The following ERBB4 variants were observed in gnomAD, a reference collection of about 807,000 sequenced individuals.
ERBB4 encodes the protein erb-b2 receptor tyrosine kinase 4.
In ERBB4, 42 loss-of-function variants were observed where a neutral mutation model predicts 158.0. The observed-to-expected ratio is 0.27, with a 90% CI of 0.21 to 0.34. The LOEUF is 0.34. ERBB4 is among the 10% of genes least tolerant of loss of function. ERBB4 has a pLI of 1.00. For synonymous variants in ERBB4, 583 were observed against 558.7 expected (o/e 1.04, Z -0.61); for missense variants, 1,333 against 1,624.1 (o/e 0.82, Z 3.08).
At chr2:212,364,914 AGTGTGTGTGT>A (rs34682600) in intron 1 of ERBB4, among the ~76,000 whole-genome samples, 3 of 148,020 alleles carry the variant, frequency 2.0e-5, no homozygotes, top group Non-Finnish European at 3.0e-5. Context: ...TGTGTGTGTG[AGTGTGTGTGT>A]GTGTGTGTGT....
intron 20 of ERBB4, among the ~76,000 whole-genome samples, chr2:211,482,366 A>C (rs183066993): frequency 6.6e-6 from 1 of 152,326 alleles, no homozygotes; most frequent in African/African-American, 2.4e-5. Flanking sequence ...GTCATGCCTC[A>C]GTATTGGGGA....
chr2:211,855,434 G>A (rs910957389), intron 3 of ERBB4, among the ~76,000 whole-genome samples: 5 of 151,876 alleles, frequency 3.3e-5, no homozygotes, highest in Non-Finnish European at 5.9e-5. Flanking sequence ...AAATATTCTC[G>A]TTTTCCTCTA....
chr2:212,482,964 A>G (rs537905356), intron 1 of ERBB4, among the ~76,000 whole-genome samples: 2 of 152,332 alleles, frequency 1.3e-5, no homozygotes, highest in South Asian at 4.1e-4. Flanking sequence ...TTAGGATTAG[A>G]TAGGTACTAG....
rs534819450 is a variant in ERBB4 at position 211,851,402 on chromosome 2, T to A, written c.422-63243A>T. 2.6e-4 allele frequency among the ~76,000 whole-genome samples: 39 copies of A among 152,080 alleles called. No individual in the cohort carries two copies. In the South Asian group the frequency reaches 7.5e-3, roughly 29 times the overall value. On this transcript the variant is annotated intron_variant, in intron 3 of 27. Transcript: ENST00000342788. ...TCCAATTCAATCCAGAAAATAATTT[T>A]AAAATATAACTAGGTCAAAATATCA...
At chr2:211,618,921 T>C (rs1377572405) in intron 19 of ERBB4, among the ~76,000 whole-genome samples, 1 of 152,096 alleles carries the variant, frequency 6.6e-6, no homozygotes, top group Non-Finnish European at 1.5e-5. Context: ...ATAATTCACC[T>C]TGGGGACTGT....
At chr2:211,542,846 C>T (rs1486904127) in intron 20 of ERBB4, among the ~76,000 whole-genome samples, 1 of 151,898 alleles carries the variant, frequency 6.6e-6, no homozygotes. Flanking sequence ...TCTTCAAGGA[C>T]ATAAAGTGGA....
chr2:211,438,521 G>T (rs2063905535), intron 20 of ERBB4, among the ~76,000 whole-genome samples: 1 of 152,120 alleles, frequency 6.6e-6, no homozygotes, highest in African/African-American at 2.4e-5. Context: ...GGGTTGTCTT[G>T]AGGATTCAAT....
intron 14 of ERBB4, among the ~76,000 whole-genome samples, chr2:211,671,301 C>G (rs1421068960): frequency 1.3e-5 from 2 of 151,730 alleles, no homozygotes; most frequent in Non-Finnish European, 2.9e-5. Flanking sequence ...ATTTAAAAAC[C>G]TAACAATATG....
At chr2:211,958,074 G>T (rs1365578546) in intron 2 of ERBB4, among the ~76,000 whole-genome samples, 1 of 152,060 alleles carries the variant, frequency 6.6e-6, no homozygotes, top group East Asian at 1.9e-4. Flanking sequence ...AAATAAGAGA[G>T]CCAAAGTATC....
At chr2:211,539,079 T>G (rs2066730642) in intron 20 of ERBB4, among the ~76,000 whole-genome samples, 1 of 151,952 alleles carries the variant, frequency 6.6e-6, no homozygotes, top group Non-Finnish European at 1.5e-5. Flanking sequence ...CTTCCTGGCT[T>G]TATCTAACCT....
In ERBB4 at chr2:211,380,715, G is replaced by A. The variant is rs970310624; in HGVS notation, c.*2900C>T. The stretch of plus-strand genomic sequence containing the variant: ...AGAAATCATTCAAAAGAATTATAAA[G>A]TGGTGCTATTATAAAGCATTTGGGT... On this transcript the variant is annotated 3_prime_UTR_variant, in exon 28 of 28. Transcript: ENST00000342788. 4.3e-6 allele frequency: 1 copy of A among 231,862 alleles called. No homozygotes were observed. Among genetic ancestry groups the A allele is most frequent in the Non-Finnish European group, 8.5e-6 (1 of 117,296 alleles). The allele number at this position is 231,862 out of a possible 1,614,324, so 14.4% of individuals were successfully genotyped here.
intron 1 of ERBB4, among the ~76,000 whole-genome samples, chr2:212,334,112 T>A (rs530307834): frequency 5.2e-4 from 79 of 152,240 alleles, no homozygotes; most frequent in African/African-American, 1.8e-3. Flanking sequence ...GACATATGGA[T>A]GATTCAGCTT....
intron 1 of ERBB4, among the ~76,000 whole-genome samples, chr2:212,424,539 T>A (rs1356653553): frequency 1.3e-5 from 2 of 152,142 alleles, no homozygotes; most frequent in African/African-American, 4.8e-5. Context: ...GCCTTGCTAT[T>A]TTCTAACACG....
intron 4 of ERBB4, among the ~76,000 whole-genome samples, chr2:211,752,384 G>A (rs534457661): frequency 4.0e-5 from 6 of 151,484 alleles, no homozygotes; most frequent in Admixed American, 6.6e-5. Flanking sequence ...ATTGAAGATA[G>A]TTGAAGCATA....
intron 19 of ERBB4, among the ~76,000 whole-genome samples, chr2:211,565,629 T>C (rs144921783): frequency 1.8e-4 from 28 of 152,318 alleles, no homozygotes; most frequent in African/African-American, 6.7e-4. Context: ...TAACCGTCCC[T>C]ACTATTTTAC....
At chr2:212,386,399 TGTCCTTAA>T (rs2090675810) in intron 1 of ERBB4, among the ~76,000 whole-genome samples, 1 of 151,960 alleles carries the variant, frequency 6.6e-6, no homozygotes, top group Non-Finnish European at 1.5e-5. Context: ...CATCTACTTA[TGTCCTTAA>T]GACAAACACC....
At chr2:211,493,930 G>T (rs1169830733) in intron 20 of ERBB4, among the ~76,000 whole-genome samples, 1 of 152,060 alleles carries the variant, frequency 6.6e-6, no homozygotes, top group African/African-American at 2.4e-5. Context: ...TGAAAAGCCA[G>T]ATTTCTAAAA....
chr2:211,620,274 A>G (rs1390720590), intron 18 of ERBB4, among the ~76,000 whole-genome samples: 2 of 152,222 alleles, frequency 1.3e-5, no homozygotes, highest in Non-Finnish European at 2.9e-5. Flanking sequence ...AATATTTCTT[A>G]TAAGATTTTT....
chr2:211,738,165 A>G (rs2074665646), intron 5 of ERBB4, among the ~76,000 whole-genome samples: 1 of 152,086 alleles, frequency 6.6e-6, no homozygotes, highest in Non-Finnish European at 1.5e-5. Context: ...TTCCAAGCTC[A>G]TACTTTCTTT....
Sources: allele counts gnomAD v4.1 joint callset (sites outside exome capture counted in the v4.1 genomes callset), GRCh38; gene constraint gnomAD v4.1.1; transcripts MANE v1.5; gene names NCBI Gene and HGNC (gene_info 2026-07-23, HGNC 2026-07-21).